Variants in CC2D1B observed in about 807,000 individuals in gnomAD.
CC2D1B encodes the protein coiled-coil and C2 domain-containing protein 1B.
A neutral mutation model predicts 110.8 loss-of-function variants in CC2D1B; 92 were observed. The ratio of observed to expected loss-of-function variants is 0.83; its 90% CI spans 0.70 to 0.99. The LOEUF (loss-of-function observed/expected upper bound fraction) is 0.99, where lower values mean the gene tolerates loss of function less well. Among genes scored for constraint, CC2D1B ranks in the 50% least tolerant of loss-of-function variants. The probability of loss-of-function intolerance (pLI) is 0.00; values close to 1 mark genes in which losing one functional copy is unlikely to be tolerated. For missense variants in CC2D1B, 1,136 were observed against 1,089.0 expected (o/e 1.04, Z -0.61); for synonymous variants, 406 against 429.2 (o/e 0.95, Z 0.67).
intron 3 of CC2D1B, 58 bp downstream of exon 3, chr1:52,362,544 C>A (rs1646805246): frequency 1.2e-6 from 2 of 1,604,016 alleles, no homozygotes; most frequent in African/African-American, 1.3e-5. Context: ...AACCCCTCTA[C>A]CACCAGCCTG....
At chr1:52,360,681 C>G in intron 5 of CC2D1B, 132 bp from the exon 6 acceptor site, 1 of 1,367,948 alleles carries the variant, frequency 7.3e-7, no homozygotes, top group South Asian at 1.4e-5. Flanking sequence ...AGCCTTAAGG[C>G]AGGAAGCAAA....
chr1:52,353,049 A>G lies in CC2D1B; in HGVS notation c.*176T>C, dbSNP rs1569816112. 1 of 557,098 alleles carries G rather than the reference A, an allele frequency of 1.8e-6. No homozygotes were observed. Among genetic ancestry groups the G allele is most frequent in the East Asian group, 7.0e-5 (1 of 14,328 alleles). The allele number at this position is 557,098 out of a possible 1,614,324, so 34.5% of individuals were successfully genotyped here. On this transcript the variant is annotated 3_prime_UTR_variant, in exon 25 of 25. Transcript: ENST00000284376. Reference sequence around the variant, plus strand: ...CCAGCCTGTTTCTGTAGAGCCCCAGAGGGGCCAACAACAGGAAAGACCAGA... The same window carrying G: ...CCAGCCTGTTTCTGTAGAGCCCCAGGGGGGCCAACAACAGGAAAGACCAGA...
At chr1:52,353,359 A>G (rs370715976) in intron 24 of CC2D1B, 136 bp from the exon 25 acceptor site, 29 of 1,505,538 alleles carry the variant, frequency 1.9e-5, no homozygotes, top group Non-Finnish European at 2.2e-5. Flanking sequence ...TCCCAGTTCT[A>G]CTGAGGAACA....
Position 52,352,595 on chromosome 1 carries a change from A to T in CC2D1B, c.*630T>A, listed in dbSNP as rs1029028405. The T allele has an allele frequency of 6.6e-6, 1 of 152,604 alleles. No homozygotes were observed. The highest frequency in any genetic ancestry group is 1.5e-5 in the Non-Finnish European group (1 of 68,042). The allele number at this position is 152,604 out of a possible 1,614,324, so 9.5% of individuals were successfully genotyped here. On this transcript the variant is annotated 3_prime_UTR_variant, in exon 25 of 25. Transcript: ENST00000284376. Reference sequence around the variant, plus strand: ...ACAGTCTTTTCTCTTGGGTGGGTAGACCAAACCCAAGATCCAACCTTCCCC... The same window carrying T: ...ACAGTCTTTTCTCTTGGGTGGGTAGTCCAAACCCAAGATCCAACCTTCCCC...
chr1:52,354,377 T>C (rs868681027), intron 23 of CC2D1B: 4 of 689,426 alleles, frequency 5.8e-6, no homozygotes, highest in Middle Eastern at 2.3e-4. Context: ...GTGGAATCCA[T>C]TGAGTTCATG....
intron 3 of CC2D1B, 77 bp downstream of exon 3, chr1:52,362,525 C>A: frequency 6.4e-7 from 1 of 1,559,670 alleles, no homozygotes; most frequent in Non-Finnish European, 8.8e-7. Flanking sequence ...CTCCGTCCAG[C>A]TGCAAGGGAA....
chr1:52,354,825 C>T lies in CC2D1B; in HGVS notation c.2339+15G>A, dbSNP rs574096429. The T allele has an allele frequency of 6.8e-6, 11 of 1,612,468 alleles. No individual in the cohort carries two copies. The highest frequency in any genetic ancestry group is 1.1e-5 in the South Asian group (1 of 91,048). On this transcript the variant is annotated intron_variant, in intron 22 of 24. Transcript: ENST00000284376. ...CTCCCGGCCCGTGTGGCAGCATGAC[C>T]GATAGGAGCCTCACCCTTTGTGGAA...
chr1:52,357,947 G>A (rs2147892403), intron 13 of CC2D1B, 49 bp from the exon 14 acceptor site: 1 of 1,517,694 alleles, frequency 6.6e-7, no homozygotes. Context: ...CCCTAGCATA[G>A]TCATGGCGGC....
Position 52,357,817 on chromosome 1 carries a change from TG to T in CC2D1B, c.1542del (p.Arg515GlyfsTer49). On this transcript the variant is annotated frameshift_variant, in exon 14 of 25. Transcript: ENST00000284376. LOFTEE classifies it high-confidence loss of function. ...GGTGACTCCTTAGAACTTGAGGCCC[TG>T]GGCTCAGGCAGGCGCTGGGATGAAG... ...TVPSSQRLPE[P>X]RASSSKESPS... 5 of 1,592,914 alleles carry T rather than the reference TG, an allele frequency of 3.1e-6. No individual in the cohort carries two copies. The highest frequency in any genetic ancestry group is 4.3e-6 in the Non-Finnish European group (5 of 1,169,944).
In CC2D1B at chr1:52,358,980, C is replaced by T. The variant is rs140896588; in HGVS notation, c.1257+47G>A. On this transcript the variant is annotated intron_variant, in intron 11 of 24. Transcript: ENST00000284376. ...GGACCAGGGAGACAGAGCACCCAGC[C>T]AGGGAAGAGGCCAGCACAGGCAGGG... The T allele has an allele frequency of 1.5e-3, 2,364 of 1,592,732 alleles. 12 individuals are homozygous for T. Among genetic ancestry groups the T allele is most frequent in the Middle Eastern group, 9.0e-3 (54 of 6,018 alleles).
chr1:52,360,340 C>A (rs1025550534), intron 6 of CC2D1B, 84 bp downstream of exon 6: 20 of 1,592,710 alleles, frequency 1.3e-5, no homozygotes, highest in South Asian at 1.3e-4. Context: ...GGTGGGGTGA[C>A]CTCCCCTCCA....
At chr1:52,365,577 G>A (rs1646863556) in intron 1 of CC2D1B, among the ~76,000 whole-genome samples, 1 of 152,220 alleles carries the variant, frequency 6.6e-6, no homozygotes, top group Non-Finnish European at 1.5e-5. Flanking sequence ...GTGAGCAAGC[G>A]GCAGAATATG....
intron 16 of CC2D1B, 31 bp downstream of exon 16, chr1:52,356,970 G>A: frequency 6.5e-7 from 1 of 1,543,776 alleles, no homozygotes; most frequent in Non-Finnish European, 8.7e-7. Flanking sequence ...TGTGGGCACA[G>A]AGGGGAGGAA....
rs1646784515 is a variant in CC2D1B at position 52,361,609 on chromosome 1, CA to C, written c.221del (p.Leu74ArgfsTer33). 1.2e-6 allele frequency: 2 copies of C among 1,613,766 alleles called. No homozygotes were observed. Among genetic ancestry groups the C allele is most frequent in the Non-Finnish European group, 1.7e-6 (2 of 1,180,004 alleles). On this transcript the variant is annotated frameshift_variant, in exon 4 of 25. Coordinates refer to ENST00000284376, the MANE Select transcript of CC2D1B (RefSeq NM_001330585.2). LOFTEE classifies it high-confidence loss of function. ...KKPAPKGQAPLPMAHIEKLAA... is the reference protein window; with the variant it reads ...KKPAPKGQAPXPMAHIEKLAA... ...CCAACTTCTCGATGTGGGCCATGGG[CA>C]GGGGGGCTGGGGGAAAAAGGTCACA...
At chr1:52,355,007 G>A (rs1646616891) in intron 21 of CC2D1B, 68 bp from the exon 22 acceptor site, 4 of 1,312,216 alleles carry the variant, frequency 3.0e-6, no homozygotes, top group Admixed American at 1.7e-5. Flanking sequence ...GGAAATGGAG[G>A]CCCAGGGCTG....
At chr1:52,363,381 C>T (rs1479407296) in intron 2 of CC2D1B, among the ~76,000 whole-genome samples, 4 of 138,226 alleles carry the variant, frequency 2.9e-5, no homozygotes, top group Admixed American at 7.8e-5. Flanking sequence ...GGCGACACAG[C>T]GAGACTCCGT....
At chr1:52,353,692 A>C in intron 23 of CC2D1B, 45 bp from the exon 24 acceptor site, 2 of 1,454,214 alleles carry the variant, frequency 1.4e-6, no homozygotes, top group Non-Finnish European at 1.9e-6. Flanking sequence ...GGGGACAGAG[A>C]TGGGGAGCAG....
chr1:52,357,661 CA>C lies in CC2D1B; in HGVS notation c.1616del (p.Leu539ArgfsTer25). 1.9e-6 allele frequency: 3 copies of C among 1,601,954 alleles called. No individual in the cohort carries two copies. The highest frequency in any genetic ancestry group is 2.6e-6 in the Non-Finnish European group (3 of 1,174,042). On this transcript the variant is annotated frameshift_variant, in exon 15 of 25. Transcript: ENST00000284376. LOFTEE classifies it high-confidence loss of function. Reference sequence around the variant, plus strand: ...CCTGCAGGGCTGCCCGCTGATACTGCAGTTTCCGTGCCTCCAGCAGTGCCAG... The same window carrying C: ...CCTGCAGGGCTGCCCGCTGATACTGCGTTTCCGTGCCTCCAGCAGTGCCAG... Reference protein sequence around the residue: ...EQLALLEARKLQYQRAALQAK... With the variant: ...EQLALLEARKXQYQRAALQAK...
chr1:52,365,625 GA>G (rs1367971198), intron 1 of CC2D1B, among the ~76,000 whole-genome samples: 1 of 152,258 alleles, frequency 6.6e-6, no homozygotes, highest in Admixed American at 6.5e-5. Flanking sequence ...GCATTATTCT[GA>G]GGGCGCTGGG....
Sources: allele counts gnomAD v4.1 joint callset (sites outside exome capture counted in the v4.1 genomes callset), GRCh38; gene constraint gnomAD v4.1.1; transcripts MANE v1.5; gene names NCBI Gene and HGNC (gene_info 2026-07-23, HGNC 2026-07-21).